ZC3H12B: variants seen among roughly 807,000 people sequenced by gnomAD.
ZC3H12B encodes zinc finger CCCH-type containing 12B.
ZC3H12B carries 7 observed loss-of-function variants against 43.9 expected under a neutral mutation model. That is an observed-to-expected ratio of 0.16 (90% confidence interval 0.09 to 0.30). ZC3H12B has a LOEUF of 0.30. Among genes scored for constraint, ZC3H12B ranks in the 10% least tolerant of loss-of-function variants. ZC3H12B has a pLI of 1.00. For missense variants in ZC3H12B, 475 were observed against 670.2 expected (o/e 0.71, Z 3.22); for synonymous variants, 222 against 241.7 (o/e 0.92, Z 0.76).
the ZC3H12B span, chrX:65,327,886 G>C: frequency 2.4e-5 from 3 of 126,672 alleles, no homozygotes; most frequent in African/African-American, 9.7e-5. Context: ...CATCAATTCT[G>C]TTATGCACTA....
At chrX:65,043,703 A>G in the ZC3H12B span, among the ~76,000 whole-genome samples, 1 of 111,861 alleles carries the variant, frequency 8.9e-6, no homozygotes, top group Non-Finnish European at 1.9e-5. Context: ...CCATGTCAAT[A>G]CAGTGAAACC....
chrX:65,127,000 A>T, the ZC3H12B span, among the ~76,000 whole-genome samples: 7 of 110,466 alleles, frequency 6.3e-5, no homozygotes, highest in African/African-American at 2.3e-4. Context: ...TTTTTCTGGC[A>T]ATTCAGAGAT....
chrX:65,187,673 T>A, the ZC3H12B span, among the ~76,000 whole-genome samples: 2 of 108,771 alleles, frequency 1.8e-5, no homozygotes, highest in African/African-American at 3.3e-5. Flanking sequence ...TTTTTTTTAC[T>A]TTTTTCTGGT....
At chrX:65,488,841 A>C in exon 1 of ZC3H12B, 2 of 1,205,736 alleles carry the variant, frequency 1.7e-6, no homozygotes, top group Non-Finnish European at 2.2e-6. Flanking sequence ...AAAAATGGAG[A>C]AGAGTGCCTC....
the ZC3H12B span, among the ~76,000 whole-genome samples, chrX:65,323,792 T>C: frequency 1.8e-5 from 2 of 112,146 alleles, no homozygotes; most frequent in African/African-American, 6.5e-5. Flanking sequence ...ATGGTTGAAC[T>C]AATTTACACT....
At chrX:65,460,840 C>A (rs7877681) in intron 3 of ZC3H12B, among the ~76,000 whole-genome samples, 26,306 of 110,871 alleles carry the variant, frequency 0.24, 7,534 homozygotes, top group African/African-American at 0.82. Flanking sequence ...AATGGCAACA[C>A]AAGCCAAAAT....
chrX:65,342,265 A>G, the ZC3H12B span, among the ~76,000 whole-genome samples: 1 of 111,881 alleles, frequency 8.9e-6, no homozygotes, highest in African/African-American at 3.3e-5. Flanking sequence ...GGATTTAGAA[A>G]GCATATTCAG....
the ZC3H12B span, among the ~76,000 whole-genome samples, chrX:65,089,610 TCTTAG>T: frequency 9.8e-5 from 11 of 112,151 alleles, no homozygotes; most frequent in Non-Finnish European, 1.3e-4. Flanking sequence ...TAAGAATTAA[TCTTAG>T]CTTAGTATAA....
At chrX:65,174,945 A>G in the ZC3H12B span, among the ~76,000 whole-genome samples, 3 of 111,099 alleles carry the variant, frequency 2.7e-5, no homozygotes, top group Non-Finnish European at 5.7e-5. Context: ...CAAACAAAAA[A>G]AAAAAACTCC....
chrX:65,253,637 G>C, the ZC3H12B span, among the ~76,000 whole-genome samples: 1 of 93,388 alleles, frequency 1.1e-5, no homozygotes, highest in African/African-American at 7.3e-5. Context: ...TAGCCCCCCT[G>C]TCTGCTGGCC....
the ZC3H12B span, among the ~76,000 whole-genome samples, chrX:65,204,580 C>T: frequency 3.6e-5 from 4 of 111,601 alleles, no homozygotes; most frequent in Admixed American, 1.9e-4. Flanking sequence ...TATCAGCAAA[C>T]TGTGGATGTT....
chrX:65,262,511 T>C, the ZC3H12B span, among the ~76,000 whole-genome samples: 3 of 111,706 alleles, frequency 2.7e-5, no homozygotes, highest in Admixed American at 1.9e-4. Context: ...ACTTGTTTGA[T>C]AGTTTTATCG....
chrX:65,133,181 G>T, the ZC3H12B span, among the ~76,000 whole-genome samples: 7 of 111,452 alleles, frequency 6.3e-5, no homozygotes, highest in East Asian at 2.8e-4. Flanking sequence ...TGGAGATGTG[G>T]CTGGGGTTTG....
the ZC3H12B span, among the ~76,000 whole-genome samples, chrX:65,228,406 G>GA: frequency 1.8e-5 from 2 of 111,445 alleles, no homozygotes; most frequent in Non-Finnish European, 3.8e-5. Flanking sequence ...AGCTATCTAT[G>GA]AAAAACCCAC....
chrX:65,469,056 G>T (rs1222653240), intron 3 of ZC3H12B: 1 of 111,072 alleles, frequency 9.0e-6, no homozygotes, highest in Non-Finnish European at 1.9e-5. Flanking sequence ...CTGTTTGGCA[G>T]GCTCTATGAC....
the ZC3H12B span, among the ~76,000 whole-genome samples, chrX:65,237,607 C>G: frequency 1.2e-4 from 13 of 108,556 alleles, no homozygotes; most frequent in East Asian, 2.9e-3. Context: ...GTATCGAATA[C>G]GAGTTGTGAG....
chrX:65,388,367 T>C (rs1391998920), intron 2 of ZC3H12B, among the ~76,000 whole-genome samples: 1 of 111,879 alleles, frequency 8.9e-6, no homozygotes, highest in African/African-American at 3.2e-5. Flanking sequence ...TCTAAACTTC[T>C]CTTCTTGCTT....
chrX:65,455,988 G>T (rs1283103843), intron 3 of ZC3H12B, among the ~76,000 whole-genome samples: 1 of 111,745 alleles, frequency 8.9e-6, no homozygotes, highest in Non-Finnish European at 1.9e-5. Flanking sequence ...CATTAAACAT[G>T]GGAAGGAACA....
chrX:65,041,652 CAATT>C, the ZC3H12B span, among the ~76,000 whole-genome samples: 4 of 112,080 alleles, frequency 3.6e-5, no homozygotes, highest in Middle Eastern at 4.2e-3. Flanking sequence ...CTCTTCCTAT[CAATT>C]AATCAGAGTA....
Sources: allele counts gnomAD v4.1 joint callset (sites outside exome capture counted in the v4.1 genomes callset), GRCh38; gene constraint gnomAD v4.1.1; transcripts MANE v1.5; gene names NCBI Gene and HGNC (gene_info 2026-07-23, HGNC 2026-07-21).